TERT: variants seen among roughly 807,000 people sequenced by gnomAD.
TERT encodes the protein telomerase reverse transcriptase.
Under a neutral mutation model 104.0 loss-of-function variants are expected in TERT, and 42 were observed. The observed-to-expected ratio is 0.40, with a 90% CI of 0.32 to 0.52. The LOEUF is 0.52. Ranked by LOEUF, TERT falls within the 20% of genes least tolerant of loss-of-function variation. The probability of loss-of-function intolerance (pLI) is 0.43; values close to 1 mark genes in which losing one functional copy is unlikely to be tolerated. For missense variants in TERT, 1,101 were observed against 1,610.3 expected, an observed-to-expected ratio of 0.68 and a Z score of 5.41; for synonymous variants, 781 against 725.6, an observed-to-expected ratio of 1.08 and a Z score of -1.23.
In TERT at chr5:1,288,744, CA is replaced by C. The variant is rs1219678275; in HGVS notation, c.1573+4568del. Among the ~76,000 whole-genome samples the C allele has an allele frequency of 6.6e-6, 1 of 152,186 alleles. No individual in the cohort carries two copies. The highest frequency in any genetic ancestry group is 1.5e-5 in the Non-Finnish European group (1 of 68,024). On this transcript the variant is annotated intron_variant, in intron 2 of 15. Coordinates refer to ENST00000310581, the MANE Select transcript of TERT (RefSeq NM_198253.3). The surrounding 1 kb of genome is among the most constrained non-coding windows in gnomAD (Gnocchi z 5.3). ...CAGCAGACACAGGCAGCCCAGAGTC[CA>C]GCCTCGGCATGAGACAAGCTGGGAG...
rs1239847438 is a variant in TERT, at chr5:1,288,425, C to T, written c.1573+4888G>A. Among the ~76,000 whole-genome samples the T allele has an allele frequency of 3.3e-5, 5 of 152,112 alleles. No individual in the cohort carries two copies. The highest frequency in any genetic ancestry group is 7.2e-5 in the African/African-American group (3 of 41,410). On this transcript the variant is annotated intron_variant, in intron 2 of 15. Transcript: ENST00000310581. This position sits in a 1 kb window ranked among gnomAD's most constrained non-coding sequence, Gnocchi z 5.3. ...ACTAAGACCCAAGAGGGAAGTCTGA[C>T]GAAGGCTGGCGGAGACACCGGCCCT...
At chr5:1,281,945 A>G (rs753284989) in intron 3 of TERT, among the ~76,000 whole-genome samples, 10 of 152,068 alleles carry the variant, frequency 6.6e-5, no homozygotes, top group Admixed American at 4.6e-4. Flanking sequence ...AAAATTAGCC[A>G]GGCGTGGTGG....
At position 1,280,445 on chromosome 5, in the gene TERT, C is replaced by T; in HGVS notation, c.1770-107G>A. The T allele has an allele frequency of 8.7e-6, 11 of 1,260,598 alleles. 1 individual carries two copies. In the South Asian group the frequency reaches 1.3e-4, roughly 14 times the overall value. The allele number at this position is 1,260,598 out of a possible 1,614,324, so 78.1% of individuals were successfully genotyped here. On this transcript the variant is annotated intron_variant, in intron 3 of 15. Coordinates refer to ENST00000310581, the MANE Select transcript of TERT (RefSeq NM_198253.3). ...CCGACTCAGTGAGGGCTCAGGGCAC[C>T]CACGGCAGCACACGCTGAAGGCCAT...
chr5:1,270,311 C>T lies in TERT; in HGVS notation c.2468+808G>A, dbSNP rs1164268553. 6.6e-6 allele frequency among the ~76,000 whole-genome samples: 1 copy of T among 152,222 alleles called. No homozygotes were observed. Among genetic ancestry groups the T allele is most frequent in the Non-Finnish European group, 1.5e-5 (1 of 68,034 alleles). On this transcript the variant is annotated intron_variant, in intron 8 of 15. Transcript: ENST00000310581. The surrounding 1 kb of genome is among the most constrained non-coding windows in gnomAD (Gnocchi z 8.3). Reference sequence around the variant, plus strand: ...GAAGCTGTGCACAGTCCTTTATCCGCTGGAGACGATCCCAGAGAGAGGCCT... The same window carrying T: ...GAAGCTGTGCACAGTCCTTTATCCGTTGGAGACGATCCCAGAGAGAGGCCT...
At position 1,262,962 on chromosome 5, in the gene TERT, G is replaced by T. The variant is rs148222957; in HGVS notation, c.2843+1442C>A. Among the ~76,000 whole-genome samples the T allele has an allele frequency of 6.6e-6, 1 of 152,330 alleles. No homozygotes were observed. Among genetic ancestry groups the T allele is most frequent in the African/African-American group, 2.4e-5 (1 of 41,566 alleles). On this transcript the variant is annotated intron_variant, in intron 11 of 15. Coordinates refer to ENST00000310581, the MANE Select transcript of TERT (RefSeq NM_198253.3). The surrounding 1 kb of genome is among the most constrained non-coding windows in gnomAD (Gnocchi z 5.6). ...TGCAGACAAAGCCAGTGGAGGCCAG[G>T]ACCAGGTAAGGCTGTGAGAGGGAAG...
chr5:1,278,779 C>T lies in TERT; in HGVS notation c.2148G>A (p.Ala716=), dbSNP rs747654267. 1.2e-5 allele frequency: 20 copies of T among 1,613,992 alleles called. No individual in the cohort carries two copies. The highest frequency in any genetic ancestry group is 8.3e-5 in the Admixed American group (5 of 60,008). The change falls in exon 6 of 16, where the codon GCG becomes GCA. Residue 716 remains alanine (A), a synonymous_variant. Coordinates refer to ENST00000310581, the MANE Select transcript of TERT (RefSeq NM_198253.3). Reference sequence around the variant, plus strand: ...GCCTGTCCTGGGGGATGGTGTCGTACGCGCCCGTCACATCCACCTGTGTGA... The same window carrying T: ...GCCTGTCCTGGGGGATGGTGTCGTATGCGCCCGTCACATCCACCTGTGTGA... The part of the protein sequence containing the change: ...LYFVKVDVTG[A]YDTIPQDRLT...
In TERT at chr5:1,293,692, C is replaced by A; in HGVS notation, c.1194G>T (p.Gly398=). The change falls in exon 2 of 16, where the codon GGG becomes GGT. Residue 398 remains glycine (G), a synonymous_variant. Coordinates refer to ENST00000310581, the MANE Select transcript of TERT (RefSeq NM_198253.3). The part of the protein sequence containing the change: ...QMRPLFLELL[G]NHAQCPYGVL... ...CCCCGTAGGGGCACTGCGCGTGGTT[C>A]CCAAGCAGCTCCAGAAACAGGGGCC... 6.4e-7 allele frequency: 1 copy of A among 1,574,720 alleles called. No individual in the cohort carries two copies.
At chr5:1,260,203 GC>G (rs1748123856) in intron 12 of TERT, among the ~76,000 whole-genome samples, 1 of 152,214 alleles carries the variant, frequency 6.6e-6, no homozygotes, top group Non-Finnish European at 1.5e-5. Flanking sequence ...TCACGTGAAT[GC>G]CCACACGACT....
At chr5:1,279,172 G>A in intron 5 of TERT, 119 bp downstream of exon 5, 2 of 1,181,534 alleles carry the variant, frequency 1.7e-6, no homozygotes, top group South Asian at 1.5e-5. Context: ...ACAGTGACAG[G>A]GTCACCTGCA....
Position 1,279,313 on chromosome 5 carries a change from G to A in TERT, c.2108C>T (p.Pro703Leu), listed in dbSNP as rs564647937. 1.8e-5 allele frequency: 28 copies of A among 1,584,178 alleles called. No homozygotes were observed. The South Asian group carries it at 1.8e-4, about 10-fold the overall frequency. ...FVLRVRAQDP[P>L]PELYFVKVDV... ...CACCTTGACAAAGTACAGCTCAGGCGGCGGGTCCTGGGCCCGCACACGCAG... is the reference window on the plus strand; with the variant it reads ...CACCTTGACAAAGTACAGCTCAGGCAGCGGGTCCTGGGCCCGCACACGCAG... Residue 703 changes from proline (P) to leucine (L), a missense_variant, in exon 5 of 16, where the codon CCG becomes CTG. Physicochemically the swap from Pro to Leu is moderately conservative, Grantham distance 98. This residue lies in a region of TERT where 463 missense variants were observed against 797.5 expected (regional missense o/e 0.58). Transcript: ENST00000310581.
chr5:1,287,754 G>T lies in TERT; in HGVS notation c.1574-5130C>A, dbSNP rs927228151. Among the ~76,000 whole-genome samples, 1 of 151,932 alleles carries T rather than the reference G, an allele frequency of 6.6e-6. No individual in the cohort carries two copies. Among genetic ancestry groups the T allele is most frequent in the Non-Finnish European group, 1.5e-5 (1 of 68,006 alleles). ...AGAAATGAACAGACCCATCCCCCAG[G>T]TGAGGGACTATGGCCTCCTTCTTGG... On this transcript the variant is annotated intron_variant, in intron 2 of 15. Transcript: ENST00000310581. The surrounding 1 kb of genome is among the most constrained non-coding windows in gnomAD (Gnocchi z 4.3).
rs555642515 is a variant in TERT at position 1,294,723 on chromosome 5, C to T, written c.219+48G>A. On this transcript the variant is annotated intron_variant, in intron 1 of 15. Coordinates refer to ENST00000310581, the MANE Select transcript of TERT (RefSeq NM_198253.3). ...TGCTCTCCGCATGTCGCTGGTTCCC[C>T]CCGGCCGCCCTCAACCCCAGCCGGA... 31 of 1,571,020 alleles carry T rather than the reference C, an allele frequency of 2.0e-5. No individual in the cohort carries two copies. The African/African-American group carries it at 3.8e-4, about 19-fold the overall frequency.
In TERT at chr5:1,294,997, G is replaced by T; in HGVS notation, c.-8C>A. The T allele has an allele frequency of 4.6e-6, 6 of 1,315,984 alleles. No individual in the cohort carries two copies. Among genetic ancestry groups the T allele is most frequent in the Non-Finnish European group, 5.8e-6 (6 of 1,040,248 alleles). The allele number at this position is 1,315,984 out of a possible 1,614,324, so 81.5% of individuals were successfully genotyped here. On this transcript the variant is annotated 5_prime_UTR_variant, in exon 1 of 16. Transcript: ENST00000310581. Reference sequence around the variant, plus strand: ...GCGGGGAGCGCGCGGCATCGCGGGGGTGGCCGGGGCCAGGGCTTCCCACGT... The same window carrying T: ...GCGGGGAGCGCGCGGCATCGCGGGGTTGGCCGGGGCCAGGGCTTCCCACGT...
rs1406699298 is a variant in TERT, at chr5:1,262,828, G to A, written c.2843+1576C>T. 6.6e-6 allele frequency among the ~76,000 whole-genome samples: 1 copy of A among 152,226 alleles called. No individual in the cohort carries two copies. The highest frequency in any genetic ancestry group is 6.5e-5 in the Admixed American group (1 of 15,278). On this transcript the variant is annotated intron_variant, in intron 11 of 15. Transcript: ENST00000310581. The surrounding 1 kb of genome is among the most constrained non-coding windows in gnomAD (Gnocchi z 5.6). The stretch of plus-strand genomic sequence containing the variant: ...CCTGTCCTAAAAAATACATTTCATG[G>A]GGAGCAAAATAAGCAGTGGACAGTT...
Position 1,257,887 on chromosome 5 carries a change from G to GGGAGGCTTGTTGAGGT in TERT, c.3032+710_3032+711insACCTCAACAAGCCTCC, listed in dbSNP as rs1334848263. On this transcript the variant is annotated intron_variant, in intron 13 of 15. Transcript: ENST00000310581. This position sits in a 1 kb window ranked among gnomAD's most constrained non-coding sequence, Gnocchi z 5.6. Reference sequence around the variant, plus strand: ...CCTGGCATTCAGCTCCCAGTGGCTCGGGAGGCCTGTTGAGGTGGAGGCCCG... The same window carrying GGGAGGCTTGTTGAGGT: ...CCTGGCATTCAGCTCCCAGTGGCTCGGGAGGCTTGTTGAGGTGGAGGCCTGTTGAGGTGGAGGCCCG... 2.6e-5 allele frequency among the ~76,000 whole-genome samples: 4 copies of GGGAGGCTTGTTGAGGT among 152,222 alleles called. No individual in the cohort carries two copies. The highest frequency in any genetic ancestry group is 4.4e-5 in the Non-Finnish European group (3 of 68,040).
At chr5:1,271,273 C>T in intron 7 of TERT, 69 bp from the exon 8 acceptor site, 1 of 1,117,004 alleles carries the variant, frequency 9.0e-7, no homozygotes, top group South Asian at 1.3e-5. Flanking sequence ...ACCACGTGGC[C>T]AAGACCCTCC....
At position 1,293,804 on chromosome 5, in the gene TERT, ACGAGCCTCC is replaced by A. The variant is rs1356790491; in HGVS notation, c.1073_1081del (p.Arg358_Val361delinsLeu). 2 of 1,551,090 alleles carry A rather than the reference ACGAGCCTCC, an allele frequency of 1.3e-6. No homozygotes were observed. The highest frequency in any genetic ancestry group is 8.7e-7 in the Non-Finnish European group (1 of 1,147,500). ...CCTGGAACCCAGAAAGATGGTCTCC[ACGAGCCTCC>A]GAGCGCCAGTCAGGCTGGGCCTCAG... On this transcript the variant is annotated inframe_deletion, in exon 2 of 16. Transcript: ENST00000310581.
In TERT at chr5:1,287,503, A is replaced by T. The variant is rs1333822098; in HGVS notation, c.1574-4879T>A. 7.8e-6 allele frequency among the ~76,000 whole-genome samples: 1 copy of T among 128,256 alleles called. No homozygotes were observed. The highest frequency in any genetic ancestry group is 1.6e-5 in the Non-Finnish European group (1 of 61,640). 84.1% of individuals were successfully genotyped at this position (128,256 alleles called of 152,430 possible). On this transcript the variant is annotated intron_variant, in intron 2 of 15. Coordinates refer to ENST00000310581, the MANE Select transcript of TERT (RefSeq NM_198253.3). The surrounding 1 kb of genome is among the most constrained non-coding windows in gnomAD (Gnocchi z 4.3). ...ACAGACCAAGACTCTGTCTCAAAAA[A>T]AAAAAATATATATATATATATATAA... is the stretch of plus-strand genomic sequence containing the variant.
intron 6 of TERT, among the ~76,000 whole-genome samples, chr5:1,275,069 C>A (rs1221200513): frequency 6.6e-6 from 1 of 152,152 alleles, no homozygotes; most frequent in Non-Finnish European, 1.5e-5. Flanking sequence ...GCAGATCTCA[C>A]GGAAGCTGCA....
Sources: gnomAD v4.1 joint callset for allele counts (sites outside exome capture counted in the v4.1 genomes callset) on GRCh38, gnomAD v4.1.1 for gene constraint, gnomAD v4.1.1 regional missense constraint, Gnocchi (gnomAD v3.1) non-coding constraint, MANE v1.5 for transcripts, NCBI Gene and HGNC (gene_info 2026-07-23, HGNC 2026-07-21) for gene names.